Variants in SUN1 observed in about 807,000 individuals in gnomAD.
SUN1 encodes Sad1 and UNC84 domain containing 1, also known as SUN domain-containing protein 1.
Under a neutral mutation model 103.2 loss-of-function variants are expected in SUN1, and 61 were observed. The ratio of observed to expected loss-of-function variants is 0.59; its 90% CI spans 0.48 to 0.73. SUN1 has a LOEUF of 0.73. Among genes scored for constraint, SUN1 ranks in the 30% least tolerant of loss-of-function variants. The pLI, the probability that SUN1 is intolerant of heterozygous loss-of-function variation, is 0.00. For missense variants in SUN1, 1,052 were observed against 1,034.6 expected (o/e 1.02, Z -0.23); for synonymous variants, 490 against 425.7 (o/e 1.15, Z -1.86).
intron 3 of SUN1, 82 bp downstream of exon 3, chr7:842,212 C>A: frequency 6.7e-7 from 1 of 1,493,630 alleles, no homozygotes; most frequent in South Asian, 1.3e-5. Flanking sequence ...GAGGCGGTGG[C>A]CAGGTTGTCG....
intron 5 of SUN1, chr7:848,437 G>C: frequency 7.3e-7 from 1 of 1,360,732 alleles, no homozygotes; most frequent in Non-Finnish European, 9.8e-7. Flanking sequence ...CTTTCTACGT[G>C]AATAGGATTT....
At chr7:821,768 A>G (rs1786273942) in intron 1 of SUN1, among the ~76,000 whole-genome samples, 1 of 152,154 alleles carries the variant, frequency 6.6e-6, no homozygotes, top group African/African-American at 2.4e-5. Flanking sequence ...ATTGCATGTC[A>G]TAACGCCCAC....
In SUN1 at chr7:852,009, T is replaced by C; in HGVS notation, c.817T>C (p.Leu273=). ...GATTGGATGGTACCAGTTTGTTACTTTGATTTCTTGGCTGAATGTGTTTCT... is the reference window on the plus strand; with the variant it reads ...GATTGGATGGTACCAGTTTGTTACTCTGATTTCTTGGCTGAATGTGTTTCT... The part of the protein sequence containing the change: ...LGIGWYQFVT[L]ISWLNVFLLT... Residue 273 remains leucine, a synonymous_variant, in exon 7 of 19, where the codon TTG becomes CTG. Transcript: ENST00000401592. 2.5e-6 allele frequency: 4 copies of C among 1,614,154 alleles called. No individual in the cohort carries two copies. The highest frequency in any genetic ancestry group is 3.4e-6 in the Non-Finnish European group (4 of 1,179,992).
intron 1 of SUN1, among the ~76,000 whole-genome samples, chr7:819,965 C>T (rs1355116057): frequency 6.6e-6 from 1 of 152,200 alleles, no homozygotes; most frequent in East Asian, 1.9e-4. Context: ...CTCGGCCTCC[C>T]AGTGCCATAC....
chr7:850,992 G>A (rs1361247390), intron 5 of SUN1, among the ~76,000 whole-genome samples: 2 of 152,146 alleles, frequency 1.3e-5, no homozygotes, highest in South Asian at 2.1e-4. Context: ...ATGAACTGCA[G>A]GTGTCTATGG....
At chr7:856,437 G>A (rs1435999968) in intron 12 of SUN1, 36 bp downstream of exon 12, 18 of 1,610,720 alleles carry the variant, frequency 1.1e-5, no homozygotes, top group South Asian at 3.3e-5. Context: ...TTTTGTCTTC[G>A]GTGTGTGTGT....
intron 1 of SUN1, chr7:832,896 G>A: frequency 2.9e-6 from 1 of 341,488 alleles, no homozygotes; most frequent in Non-Finnish European, 5.4e-6. Context: ...GGTGATGCCT[G>A]GTGTTTGTGA....
intron 16 of SUN1, chr7:869,134 T>TG: frequency 3.4e-6 from 2 of 594,608 alleles, no homozygotes; most frequent in Non-Finnish European, 5.9e-6. Context: ...GTTCTGGTCG[T>TG]TTTAACTTTT....
At chr7:867,954 C>T (rs1336608788) in intron 16 of SUN1, among the ~76,000 whole-genome samples, 2 of 152,214 alleles carry the variant, frequency 1.3e-5, no homozygotes, top group Admixed American at 6.5e-5. Context: ...TACCAGGGAA[C>T]CTCAGTGTCC....
intron 1 of SUN1, among the ~76,000 whole-genome samples, chr7:817,101 G>A (rs1014478067): frequency 3.9e-5 from 6 of 152,192 alleles, no homozygotes; most frequent in Admixed American, 3.9e-4. Context: ...TGGAAGTAGC[G>A]GCGGGGCCGT....
At chr7:858,175 C>T (rs1646384413) in intron 13 of SUN1, among the ~76,000 whole-genome samples, 1 of 152,202 alleles carries the variant, frequency 6.6e-6, no homozygotes, top group Admixed American at 6.5e-5. Context: ...CCACCTTAGC[C>T]TCCCGAGTAG....
At chr7:819,854 G>A (rs370866867) in intron 1 of SUN1, among the ~76,000 whole-genome samples, 59 of 152,008 alleles carry the variant, frequency 3.9e-4, no homozygotes, top group African/African-American at 1.0e-3. Flanking sequence ...GATTACAGGC[G>A]CCCGCCACCA....
chr7:831,857 G>C (rs1442962375), upstream of SUN1: 1 of 177,932 alleles, frequency 5.6e-6, no homozygotes, highest in Non-Finnish European at 1.1e-5. Context: ...GTGTGCATGT[G>C]AGTATTTTTA....
rs1175827444 is a variant in SUN1, at chr7:873,289, C to A, written c.2316C>A (p.Thr772=). The A allele has an allele frequency of 2.5e-6, 4 of 1,614,184 alleles. No homozygotes were observed. The highest frequency in any genetic ancestry group is 3.3e-4 in the Middle Eastern group (2 of 6,062). ...CTAACTGGGGCCATCCTGAGTATAC[C>A]TGTCTGTATCGGTTCAGAGTTCATG... ...IFSNWGHPEY[T]CLYRFRVHGE... is the part of the protein sequence containing the mutation. Residue 772 remains threonine (T), a synonymous_variant, in exon 19 of 19, where the codon ACC becomes ACA. Transcript: ENST00000401592.
intron 13 of SUN1, among the ~76,000 whole-genome samples, chr7:858,858 A>AGAAAGCAT (rs1286894053): frequency 6.6e-6 from 1 of 152,226 alleles, no homozygotes; most frequent in African/African-American, 2.4e-5. Flanking sequence ...GTGGTGACAG[A>AGAAAGCAT]GAAAGCATGC....
chr7:872,942 C>T (rs1842740495), intron 18 of SUN1, among the ~76,000 whole-genome samples: 1 of 152,192 alleles, frequency 6.6e-6, no homozygotes, highest in Admixed American at 6.5e-5. Flanking sequence ...CAAAAATGAG[C>T]TGGGCGTGGT....
At chr7:855,553 C>T (rs1419606983) in intron 11 of SUN1, among the ~76,000 whole-genome samples, 3 of 152,112 alleles carry the variant, frequency 2.0e-5, no homozygotes, top group Non-Finnish European at 4.4e-5. Flanking sequence ...GTCACATGTG[C>T]GTGTGTGTAT....
chr7:845,946 C>T (rs1022674163), intron 5 of SUN1, among the ~76,000 whole-genome samples: 3 of 152,082 alleles, frequency 2.0e-5, no homozygotes, highest in Non-Finnish European at 2.9e-5. Context: ...CCCGGTGCTG[C>T]GTGGCTGTCC....
chr7:817,338 C>G (rs1762939652), intron 1 of SUN1: 1 of 1,347,714 alleles, frequency 7.4e-7, no homozygotes, highest in African/African-American at 1.4e-5. Context: ...ATCCCCTCGC[C>G]CCAGCCTGCC....
Sources: allele counts gnomAD v4.1 joint callset (sites outside exome capture counted in the v4.1 genomes callset), GRCh38; gene constraint gnomAD v4.1.1; transcripts MANE v1.5; gene names NCBI Gene and HGNC (gene_info 2026-07-23, HGNC 2026-07-21).